The following UBE4B variants were observed in gnomAD, a reference collection of about 807,000 sequenced individuals.
The protein encoded by UBE4B is ubiquitin conjugation factor E4 B.
A neutral mutation model predicts 148.1 loss-of-function variants in UBE4B; 27 were observed. That is an observed-to-expected ratio of 0.18 (90% CI 0.13 to 0.25). The LOEUF (loss-of-function observed/expected upper bound fraction) is 0.25. Among genes scored for constraint, UBE4B ranks in the 10% least tolerant of loss-of-function variants. UBE4B has a pLI of 1.00. For synonymous variants in UBE4B, 596 were observed against 619.3 expected (o/e 0.96, Z 0.56); for missense variants, 1,170 against 1,662.4 (o/e 0.70, Z 5.15).
rs961202284 is a variant in UBE4B, at chr1:10,090,127, G to GT, written c.212-5323dup. 5.3e-4 allele frequency among the ~76,000 whole-genome samples: 45 copies of GT among 84,258 alleles called. No homozygotes were observed. The East Asian group carries it at 7.7e-3, about 14-fold the overall frequency. 55.3% of individuals were successfully genotyped at this position (84,258 alleles called of 152,430 possible). On this transcript the variant is annotated intron_variant, in intron 2 of 27. Coordinates refer to ENST00000343090, the MANE Select transcript of UBE4B (RefSeq NM_001105562.3). ...AATCAGGCAGCCTGTGTGTGTGTGT[G>GT]TTTTTTTTTTTAGGCATGGTTTCAC... is the stretch of plus-strand genomic sequence containing the variant.
intron 7 of UBE4B, among the ~76,000 whole-genome samples, chr1:10,115,164 C>CCTTTTT (rs1165016829): frequency 7.3e-6 from 1 of 137,024 alleles, no homozygotes. Flanking sequence ...TAATACCATA[C>CCTTTTT]TTTTTTTTTT....
intron 15 of UBE4B, among the ~76,000 whole-genome samples, chr1:10,132,933 C>T (rs1012196101): frequency 2.0e-5 from 3 of 152,114 alleles, no homozygotes; most frequent in African/African-American, 7.2e-5. Context: ...GAGGGAATGT[C>T]GGGTCCTGGA....
intron 2 of UBE4B, among the ~76,000 whole-genome samples, chr1:10,088,428 T>G (rs1644796120): frequency 6.6e-6 from 1 of 152,172 alleles, no homozygotes; most frequent in Non-Finnish European, 1.5e-5. Flanking sequence ...TTGCCCAGGC[T>G]GGCGTGCAGT....
At chr1:10,104,516 C>G (rs1218515960) in intron 5 of UBE4B, among the ~76,000 whole-genome samples, 1 of 152,016 alleles carries the variant, frequency 6.6e-6, no homozygotes, top group Non-Finnish European at 1.5e-5. Context: ...GCGTGAATAT[C>G]AAGGAGATCA....
intron 1 of UBE4B, among the ~76,000 whole-genome samples, chr1:10,045,233 G>C (rs1170039185): frequency 6.6e-6 from 1 of 152,220 alleles, no homozygotes; most frequent in Non-Finnish European, 1.5e-5. Flanking sequence ...GCTTGGTACT[G>C]GTCTGTGGCC....
At position 10,126,976 on chromosome 1, in the gene UBE4B, G is replaced by C; in HGVS notation, c.1638+99G>C. 3.7e-6 allele frequency: 4 copies of C among 1,079,594 alleles called. No individual in the cohort carries two copies. In the South Asian group the frequency reaches 5.5e-5, roughly 15 times the overall value. The allele number at this position is 1,079,594 out of a possible 1,614,324, so 66.9% of individuals were successfully genotyped here. On this transcript the variant is annotated intron_variant, in intron 11 of 27. Coordinates refer to ENST00000343090, the MANE Select transcript of UBE4B (RefSeq NM_001105562.3). ...CTTTCAGGTCCATGAGATCAACCTT[G>C]TTTTCAAATTTAAAACATGAAATCA...
At chr1:10,133,325 A>G (rs1222564403) in intron 15 of UBE4B, among the ~76,000 whole-genome samples, 1 of 152,222 alleles carries the variant, frequency 6.6e-6, no homozygotes, top group Admixed American at 6.5e-5. Context: ...GCGGGACCTT[A>G]GACAGTGACT....
chr1:10,145,381 A>C (rs1050831841), intron 18 of UBE4B: 2 of 158,162 alleles, frequency 1.3e-5, no homozygotes, highest in African/African-American at 2.4e-5. Context: ...GCGGATCACG[A>C]GGTCAGGAGA....
At chr1:10,136,571 A>G (rs1427458934) in intron 16 of UBE4B, among the ~76,000 whole-genome samples, 1 of 152,094 alleles carries the variant, frequency 6.6e-6, no homozygotes, top group East Asian at 1.9e-4. Context: ...GAATGGAGCT[A>G]ACAGGAATTC....
intron 11 of UBE4B, chr1:10,128,517 C>T (rs1645539440): frequency 6.6e-6 from 1 of 152,180 alleles, no homozygotes; most frequent in South Asian, 2.1e-4. Context: ...TGCCTGGCTC[C>T]CCACCCCAGA....
intron 25 of UBE4B, among the ~76,000 whole-genome samples, chr1:10,175,568 G>T (rs112443182): frequency 4.0e-5 from 6 of 151,862 alleles, no homozygotes; most frequent in Non-Finnish European, 7.4e-5. Flanking sequence ...GGAGAATGGC[G>T]TGAACCTGGG....
intron 22 of UBE4B, among the ~76,000 whole-genome samples, chr1:10,159,430 T>C (rs1211667873): frequency 6.6e-6 from 1 of 152,192 alleles, no homozygotes; most frequent in African/African-American, 2.4e-5. Flanking sequence ...CCCAGCACTT[T>C]GGGAGGCCGA....
intron 2 of UBE4B, among the ~76,000 whole-genome samples, chr1:10,075,051 A>T (rs1315124053): frequency 6.6e-6 from 1 of 152,200 alleles, no homozygotes; most frequent in Non-Finnish European, 1.5e-5. Context: ...TCAATAAATG[A>T]CAATTCATGT....
intron 23 of UBE4B, among the ~76,000 whole-genome samples, chr1:10,166,524 ACACTTG>A (rs1646248279): frequency 6.6e-6 from 1 of 152,168 alleles, no homozygotes; most frequent in Admixed American, 6.6e-5. Context: ...ACGGTGGCTT[ACACTTG>A]TAATCCCAGC....
Position 10,129,465 on chromosome 1 carries a change from T to C in UBE4B, c.1695+17T>C. 2 of 1,606,374 alleles carry C rather than the reference T, an allele frequency of 1.2e-6. No individual in the cohort carries two copies. The highest frequency in any genetic ancestry group is 1.7e-6 in the Non-Finnish European group (2 of 1,173,654). On this transcript the variant is annotated intron_variant, in intron 12 of 27. Transcript: ENST00000343090. ...TGCAATTTGGTAAGCACTCACCTGA[T>C]GGGCTTGCACATTTTCAGTGAATAT...
At position 10,099,443 on chromosome 1, in the gene UBE4B, T is replaced by C. The variant is rs115298179; in HGVS notation, c.348-1665T>C. 7.7e-3 allele frequency among the ~76,000 whole-genome samples: 1,172 copies of C among 152,276 alleles called. 14 individuals carry two copies. Among genetic ancestry groups the C allele is most frequent in the African/African-American group, 0.027 (1,124 of 41,562 alleles). ...CTAGGAATAAATTTAGCAAAAGAAGTATAAAATTTTTATAGAGAAAATTAC... is the reference window on the plus strand; with the variant it reads ...CTAGGAATAAATTTAGCAAAAGAAGCATAAAATTTTTATAGAGAAAATTAC... On this transcript the variant is annotated intron_variant, in intron 3 of 27. Coordinates refer to ENST00000343090, the MANE Select transcript of UBE4B (RefSeq NM_001105562.3).
chr1:10,149,331 A>T, intron 20 of UBE4B, 49 bp downstream of exon 20: 1 of 1,395,184 alleles, frequency 7.2e-7, no homozygotes, highest in Non-Finnish European at 9.8e-7. Context: ...TTTATGCATA[A>T]TAGTATAATA....
At chr1:10,061,995 C>T (rs531646488) in intron 1 of UBE4B, among the ~76,000 whole-genome samples, 291 of 151,594 alleles carry the variant, frequency 1.9e-3, no homozygotes, top group African/African-American at 6.6e-3. Context: ...CTGCAACCTC[C>T]GCCTCCTGGG....
intron 24 of UBE4B, among the ~76,000 whole-genome samples, chr1:10,170,183 T>C (rs1646318302): frequency 6.6e-6 from 1 of 152,126 alleles, no homozygotes; most frequent in Admixed American, 6.5e-5. Flanking sequence ...GGCATTTCAT[T>C]TTGCAAACCT....
Sources: gnomAD v4.1 joint callset for allele counts (sites outside exome capture counted in the v4.1 genomes callset) on GRCh38, gnomAD v4.1.1 for gene constraint, MANE v1.5 for transcripts, NCBI Gene and HGNC (gene_info 2026-07-23, HGNC 2026-07-21) for gene names.